Variants in NFASC observed in about 807,000 individuals in gnomAD.
NFASC encodes the protein neurofascin homolog.
A neutral mutation model predicts 147.5 loss-of-function variants in NFASC; 43 were observed. The observed-to-expected ratio is 0.29, with a 90% CI of 0.23 to 0.38. The LOEUF (loss-of-function observed/expected upper bound fraction) is 0.38, where lower values mean the gene tolerates loss of function less well. Among genes scored for constraint, NFASC ranks in the 10% least tolerant of loss-of-function variants. The probability of loss-of-function intolerance (pLI) is 1.00; values close to 1 mark genes in which losing one functional copy is unlikely to be tolerated. For missense variants in NFASC, 1,320 were observed against 1,689.0 expected, an observed-to-expected ratio of 0.78 and a Z score of 3.83; for synonymous variants, 622 against 665.5, an observed-to-expected ratio of 0.93 and a Z score of 1.01.
intron 21 of NFASC, among the ~76,000 whole-genome samples, chr1:204,985,440 G>T (rs2095597522): frequency 6.6e-6 from 1 of 152,216 alleles, no homozygotes; most frequent in African/African-American, 2.4e-5. Flanking sequence ...GGGGTAACTT[G>T]CTACCTTTCA....
intron 1 of NFASC, among the ~76,000 whole-genome samples, chr1:204,874,802 A>C (rs2078431098): frequency 6.6e-6 from 1 of 152,070 alleles, no homozygotes; most frequent in South Asian, 2.1e-4. Flanking sequence ...ATTTATAATC[A>C]CTTCGGAAAA....
rs2096397704 is a variant in NFASC at position 205,021,107 on chromosome 1, A to G, written c.*4568A>G. 6.6e-6 allele frequency: 1 copy of G among 152,306 alleles called. No individual in the cohort carries two copies. The highest frequency in any genetic ancestry group is 2.4e-5 in the African/African-American group (1 of 41,468). The allele number at this position is 152,306 out of a possible 1,614,324, so 9.4% of individuals were successfully genotyped here. On this transcript the variant is annotated 3_prime_UTR_variant, in exon 30 of 30. Coordinates refer to ENST00000339876, the MANE Select transcript of NFASC (RefSeq NM_001005388.3). ...ACCAAGGCCCTGGGAGGCATAGGCAAGCCGGGCAGAGTCAGACCAGTGCCC... is the reference window on the plus strand; with the variant it reads ...ACCAAGGCCCTGGGAGGCATAGGCAGGCCGGGCAGAGTCAGACCAGTGCCC...
chr1:204,843,744 T>C (rs1261116512), intron 1 of NFASC, among the ~76,000 whole-genome samples: 1 of 151,414 alleles, frequency 6.6e-6, no homozygotes, highest in Non-Finnish European at 1.5e-5. Flanking sequence ...TTCACTCTTG[T>C]TGTCCAGGCT....
At chr1:204,830,046 T>TGTGTGTG (rs1671787603) in intron 1 of NFASC, among the ~76,000 whole-genome samples, 4 of 134,244 alleles carry the variant, frequency 3.0e-5, no homozygotes, top group African/African-American at 1.1e-4. Flanking sequence ...TGTGTGTGTG[T>TGTGTGTG]TGAGCAGAGA....
intron 1 of NFASC, among the ~76,000 whole-genome samples, chr1:204,863,950 G>C (rs28861512): frequency 6.7e-6 from 1 of 149,980 alleles, no homozygotes; most frequent in African/African-American, 2.4e-5. Flanking sequence ...GAGAGAAAGA[G>C]AGAAAGAAAG....
At chr1:204,908,636 T>G (rs1361587713) in intron 1 of NFASC, among the ~76,000 whole-genome samples, 2 of 152,148 alleles carry the variant, frequency 1.3e-5, no homozygotes, top group South Asian at 2.1e-4. Context: ...ATATTGACAT[T>G]ATACCATCAG....
chr1:204,868,493 C>T (rs184601048), intron 1 of NFASC, among the ~76,000 whole-genome samples: 1 of 152,322 alleles, frequency 6.6e-6, no homozygotes, highest in East Asian at 1.9e-4. Flanking sequence ...ATGTGACCCA[C>T]ATTCAGGCCT....
At chr1:204,974,519 C>G in intron 13 of NFASC, 138 bp from the exon 14 acceptor site, 2 of 1,080,764 alleles carry the variant, frequency 1.9e-6, no homozygotes, top group Non-Finnish European at 2.8e-6. Flanking sequence ...AGAGGCAGAC[C>G]CTCCGAGGCT....
At chr1:204,942,783 C>T (rs992519083) in intron 2 of NFASC, among the ~76,000 whole-genome samples, 3 of 152,136 alleles carry the variant, frequency 2.0e-5, no homozygotes, top group Admixed American at 2.0e-4. Context: ...CAGAAATATA[C>T]ACAAAGTTGA....
intron 24 of NFASC, among the ~76,000 whole-genome samples, chr1:204,994,855 G>C (rs1023680106): frequency 1.3e-5 from 2 of 152,100 alleles, no homozygotes; most frequent in African/African-American, 4.8e-5. Context: ...AAGGAACTCC[G>C]GCAGGTGCAC....
At chr1:204,892,526 C>T (rs748397792) in intron 1 of NFASC, among the ~76,000 whole-genome samples, 2 of 152,208 alleles carry the variant, frequency 1.3e-5, no homozygotes, top group Non-Finnish European at 2.9e-5. Flanking sequence ...CTGCTGTCAG[C>T]TGGTTGGTCT....
At chr1:204,879,321 G>A (rs552172709) in intron 1 of NFASC, among the ~76,000 whole-genome samples, 3 of 151,162 alleles carry the variant, frequency 2.0e-5, no homozygotes, top group South Asian at 4.2e-4. Flanking sequence ...TGTACGTTGT[G>A]TCTCATATTA....
chr1:204,993,620 AGCCCAC>A, intron 24 of NFASC: 1 of 353,578 alleles, frequency 2.8e-6, no homozygotes, highest in South Asian at 1.9e-5. Flanking sequence ...TTCCAGCCGA[AGCCCAC>A]TCAGGATCCC....
At position 204,970,743 on chromosome 1, in the gene NFASC, G is replaced by A; in HGVS notation, c.1131G>A (p.Leu377=). Residue 377 remains leucine (L), a synonymous_variant, in exon 11 of 30, where the codon TTG becomes TTA. Coordinates refer to ENST00000339876, the MANE Select transcript of NFASC (RefSeq NM_001005388.3). The stretch of plus-strand genomic sequence containing the variant: ...AGTGGATGGTGAATGGGGAACCTTT[G>A]CAATGTAAGTAGCGAGCTGTTGTCC... ...TVQWMVNGEP[L]QSAPPNPNRE... 1 of 1,614,190 alleles carries A rather than the reference G, an allele frequency of 6.2e-7. No homozygotes were observed. The highest frequency in any genetic ancestry group is 8.5e-7 in the Non-Finnish European group (1 of 1,180,026).
chr1:204,969,429 C>T (rs1423028949), intron 10 of NFASC, among the ~76,000 whole-genome samples: 1 of 152,138 alleles, frequency 6.6e-6, no homozygotes, highest in Non-Finnish European at 1.5e-5. Context: ...CACTTCCTTC[C>T]CCCCAAAGCA....
rs143416575 is a variant in NFASC, at chr1:204,996,500, C to G, written c.2783-670C>G. Reference sequence around the variant, plus strand: ...GGTTGCAGGAAGGGCTACCACTGAGCAGAGAAGGGAAAGAGAGGGAGGAGA... The same window carrying G: ...GGTTGCAGGAAGGGCTACCACTGAGGAGAGAAGGGAAAGAGAGGGAGGAGA... On this transcript the variant is annotated intron_variant, in intron 24 of 29. Transcript: ENST00000339876. Among the ~76,000 whole-genome samples the G allele has an allele frequency of 1.7e-4, 26 of 152,186 alleles. No homozygotes were observed. The East Asian group carries it at 5.0e-3, about 29-fold the overall frequency.
intron 1 of NFASC, among the ~76,000 whole-genome samples, chr1:204,915,313 G>T (rs184345007): frequency 3.9e-5 from 6 of 152,090 alleles, no homozygotes; most frequent in Admixed American, 2.6e-4. Context: ...TAATAACAAG[G>T]CAGTTTTATA....
intron 1 of NFASC, among the ~76,000 whole-genome samples, chr1:204,844,583 C>T (rs1461294394): frequency 6.6e-6 from 1 of 152,156 alleles, no homozygotes; most frequent in Non-Finnish European, 1.5e-5. Context: ...TACACAGGTA[C>T]TAAAGGACAA....
At chr1:204,984,259 G>C (rs1350617929) in intron 21 of NFASC, 5 of 680,222 alleles carry the variant, frequency 7.4e-6, no homozygotes, top group Admixed American at 5.2e-5. Context: ...ATTGAATCCA[G>C]GGTTGACTCA....
Sources: allele counts gnomAD v4.1 joint callset (sites outside exome capture counted in the v4.1 genomes callset), GRCh38; gene constraint gnomAD v4.1.1; transcripts MANE v1.5; gene names NCBI Gene and HGNC (gene_info 2026-07-23, HGNC 2026-07-21).